RASGRP3: variants seen among roughly 807,000 people sequenced by gnomAD.
RASGRP3 encodes the protein ras guanyl-releasing protein 3.
A neutral mutation model predicts 82.7 loss-of-function variants in RASGRP3; 54 were observed. That is an observed-to-expected ratio of 0.65 (90% confidence interval 0.52 to 0.82). The LOEUF (loss-of-function observed/expected upper bound fraction) is 0.82. Ranked by LOEUF, RASGRP3 falls within the 40% of genes least tolerant of loss-of-function variation. The pLI is 0.00. For missense variants in RASGRP3, 861 were observed against 828.9 expected (o/e 1.04, Z -0.48); for synonymous variants, 309 against 300.5 (o/e 1.03, Z -0.29).
chr2:33,442,969 C>T (rs572751362), intron 1 of RASGRP3, among the ~76,000 whole-genome samples: 6 of 151,590 alleles, frequency 4.0e-5, no homozygotes, highest in East Asian at 3.9e-4. Context: ...TTCAGTAATC[C>T]GGTAATCCCA....
At chr2:33,529,126 T>G (rs1672853498) in intron 10 of RASGRP3, among the ~76,000 whole-genome samples, 1 of 152,100 alleles carries the variant, frequency 6.6e-6, no homozygotes, top group African/African-American at 2.4e-5. Flanking sequence ...GGAAATTAAT[T>G]TGAGTTATAA....
chr2:33,526,405 T>G (rs1227652733), intron 9 of RASGRP3, among the ~76,000 whole-genome samples: 1 of 152,234 alleles, frequency 6.6e-6, no homozygotes, highest in Admixed American at 6.5e-5. Context: ...TACCGTTGTT[T>G]GACCTCAAGC....
At chr2:33,562,578 T>G in intron 17 of RASGRP3, 151 bp from the exon 18 acceptor site, 1 of 827,400 alleles carries the variant, frequency 1.2e-6, no homozygotes, top group South Asian at 1.8e-5. Context: ...GCTACCTACA[T>G]GATCTCCTAA....
intron 1 of RASGRP3, among the ~76,000 whole-genome samples, chr2:33,507,320 G>T (rs747420717): frequency 7.2e-5 from 11 of 152,074 alleles, no homozygotes; most frequent in Admixed American, 1.3e-4. Flanking sequence ...GCTTGAAAGT[G>T]GGGGGCAGAG....
At chr2:33,469,460 T>G (rs942478696) in intron 2 of RASGRP3, among the ~76,000 whole-genome samples, 6 of 149,360 alleles carry the variant, frequency 4.0e-5, no homozygotes, top group African/African-American at 1.5e-4. Context: ...AGTTTGTATG[T>G]GATTTTTTTT....
At chr2:33,492,307 A>C (rs1668919746) in intron 1 of RASGRP3, among the ~76,000 whole-genome samples, 1 of 152,178 alleles carries the variant, frequency 6.6e-6, no homozygotes, top group African/African-American at 2.4e-5. Flanking sequence ...TGAAACTTTT[A>C]TTACAGACCT....
At chr2:33,485,158 A>G (rs147867044) in intron 1 of RASGRP3, among the ~76,000 whole-genome samples, 4,151 of 152,344 alleles carry the variant, frequency 0.027, 72 homozygotes, top group Non-Finnish European at 0.041. Context: ...AGATTGCGCC[A>G]TTGCACTCCA....
At chr2:33,507,695 C>T (rs1207736460) in intron 1 of RASGRP3, among the ~76,000 whole-genome samples, 2 of 151,966 alleles carry the variant, frequency 1.3e-5, no homozygotes, top group African/African-American at 4.8e-5. Context: ...CTGGCTACTT[C>T]TTGTATTTTT....
intron 15 of RASGRP3, among the ~76,000 whole-genome samples, chr2:33,556,867 G>T (rs1310261597): frequency 7.4e-6 from 1 of 135,050 alleles, no homozygotes; most frequent in Non-Finnish European, 1.6e-5. Flanking sequence ...TTTTATTCTG[G>T]TTTCTATCCT....
chr2:33,448,057 T>C (rs1558393830), intron 2 of RASGRP3: 2 of 152,262 alleles, frequency 1.3e-5, no homozygotes, highest in African/African-American at 4.8e-5. Flanking sequence ...TCAGAAACTT[T>C]GTAAATTATG....
intron 16 of RASGRP3, 42 bp from the exon 17 acceptor site, chr2:33,558,630 G>A (rs752588730): frequency 1.3e-6 from 2 of 1,496,176 alleles, no homozygotes; most frequent in Admixed American, 3.9e-5. Flanking sequence ...TTGCTGTCAA[G>A]CAGTCAGATG....
At chr2:33,466,454 A>G (rs1425406195) in intron 2 of RASGRP3, among the ~76,000 whole-genome samples, 1 of 152,154 alleles carries the variant, frequency 6.6e-6, no homozygotes, top group Non-Finnish European at 1.5e-5. Flanking sequence ...CGAGGCGGAC[A>G]GATCACCTGA....
chr2:33,479,158 G>C (rs937636299), intron 1 of RASGRP3, among the ~76,000 whole-genome samples: 2 of 152,218 alleles, frequency 1.3e-5, no homozygotes, highest in Admixed American at 1.3e-4. Flanking sequence ...CACAATGTGT[G>C]TTATGCCCTT....
At chr2:33,543,131 G>C (rs557883979) in intron 12 of RASGRP3, among the ~76,000 whole-genome samples, 25 of 152,262 alleles carry the variant, frequency 1.6e-4, no homozygotes, top group Admixed American at 1.2e-3. Context: ...TCCTGCCTCA[G>C]CCTCACAAGT....
At chr2:33,536,322 GA>G (rs35520392) in intron 11 of RASGRP3, among the ~76,000 whole-genome samples, 62,924 of 127,626 alleles carry the variant, frequency 0.49, 15,975 homozygotes, top group Middle Eastern at 0.62. Flanking sequence ...ATTTAAAAAA[GA>G]AAAAAAAAAA....
intron 1 of RASGRP3, among the ~76,000 whole-genome samples, chr2:33,480,588 A>G (rs868141070): frequency 6.6e-6 from 1 of 152,228 alleles, no homozygotes; most frequent in Non-Finnish European, 1.5e-5. Flanking sequence ...AGCTGATTTG[A>G]AAGAAAATAA....
chr2:33,499,504 G>T (rs1012170568), intron 1 of RASGRP3, among the ~76,000 whole-genome samples: 1 of 152,118 alleles, frequency 6.6e-6, no homozygotes, highest in Admixed American at 6.5e-5. Flanking sequence ...GTTGCAGTGT[G>T]CCAAGATCAC....
chr2:33,462,872 T>C (rs916319012), intron 2 of RASGRP3, among the ~76,000 whole-genome samples: 1 of 152,240 alleles, frequency 6.6e-6, no homozygotes, highest in African/African-American at 2.4e-5. Context: ...AGAAAGGAAA[T>C]CATAATTCTG....
At chr2:33,511,649 G>A (rs1314563903) in intron 1 of RASGRP3, 61 bp from the exon 2 acceptor site, 1 of 152,616 alleles carries the variant, frequency 6.6e-6, no homozygotes, top group African/African-American at 2.4e-5. Flanking sequence ...ACACAATGTG[G>A]ATTCTTTGGG....
Sources: allele counts gnomAD v4.1 joint callset (sites outside exome capture counted in the v4.1 genomes callset), GRCh38; gene constraint gnomAD v4.1.1; transcripts MANE v1.5; gene names NCBI Gene and HGNC (gene_info 2026-07-23, HGNC 2026-07-21).